Variants in RGS8 observed in about 807,000 individuals in gnomAD.
RGS8 encodes the protein regulator of G-protein signaling 8.
RGS8 carries 8 observed loss-of-function variants against 21.7 expected under a neutral mutation model. That is an observed-to-expected ratio of 0.37 (90% CI 0.22 to 0.66). The LOEUF (loss-of-function observed/expected upper bound fraction) is 0.66. Among genes scored for constraint, RGS8 ranks in the 30% least tolerant of loss-of-function variants. The probability of loss-of-function intolerance (pLI) is 0.59; values close to 1 mark genes in which losing one functional copy is unlikely to be tolerated. For synonymous variants in RGS8, 80 were observed against 83.6 expected (o/e 0.96, Z 0.24); for missense variants, 157 against 217.9 (o/e 0.72, Z 1.76).
At chr1:182,671,573 A>T (rs1664157749) in intron 2 of RGS8, 84 bp downstream of exon 3, 1 of 1,182,152 alleles carries the variant, frequency 8.5e-7, no homozygotes. Flanking sequence ...ATGCATGAAG[A>T]GGCAAGTTAA....
At chr1:182,692,026 G>A in the RGS8 span, among the ~76,000 whole-genome samples, 1 of 143,972 alleles carries the variant, frequency 6.9e-6, no homozygotes, top group East Asian at 2.0e-4. Flanking sequence ...TTTTTTTTGA[G>A]ATAGAGTCTT....
chr1:182,706,429 C>G, the RGS8 span, among the ~76,000 whole-genome samples: 1 of 152,176 alleles, frequency 6.6e-6, no homozygotes, highest in African/African-American at 2.4e-5. Flanking sequence ...AGACCTAATG[C>G]TCCCAGAATG....
chr1:182,644,582 C>T (rs764193598), downstream of RGS8: 18 of 152,184 alleles, frequency 1.2e-4, no homozygotes, highest in East Asian at 2.1e-3. Flanking sequence ...GGCCATCGCA[C>T]GACACTCTTG....
chr1:182,692,489 GA>G, the RGS8 span, among the ~76,000 whole-genome samples: 641 of 151,808 alleles, frequency 4.2e-3, 10 homozygotes, highest in African/African-American at 0.014. Context: ...CAAACAAATG[GA>G]AAAACATTCC....
the RGS8 span, among the ~76,000 whole-genome samples, chr1:182,747,043 C>CTTTTTTTTTTTTTTTTTTTTTTTTTTT: frequency 1.5e-3 from 31 of 21,050 alleles, 12 homozygotes; most frequent in East Asian, 4.4e-3. Context: ...CACTGCTGGT[C>CTTTTTTTTTTTTTTTTTTTTTTTTTTT]TTTTTTTTTT....
At chr1:182,706,570 G>C in the RGS8 span, among the ~76,000 whole-genome samples, 1 of 151,966 alleles carries the variant, frequency 6.6e-6, no homozygotes, top group African/African-American at 2.4e-5. Context: ...GGGTTCAAGC[G>C]ATTCTCGTGC....
At chr1:182,746,128 C>T in the RGS8 span, among the ~76,000 whole-genome samples, 1 of 152,150 alleles carries the variant, frequency 6.6e-6, no homozygotes, top group Non-Finnish European at 1.5e-5. Context: ...AAAAAGCCCC[C>T]AGGCCATCTT....
the RGS8 span, among the ~76,000 whole-genome samples, chr1:182,712,158 A>T: frequency 5.3e-5 from 8 of 152,238 alleles, no homozygotes; most frequent in Admixed American, 5.2e-4. Context: ...TAAAGCCTCA[A>T]ACACACTCAT....
At chr1:182,718,874 G>A in the RGS8 span, among the ~76,000 whole-genome samples, 1 of 152,178 alleles carries the variant, frequency 6.6e-6, no homozygotes, top group Non-Finnish European at 1.5e-5. Context: ...AAATTGACAA[G>A]TTAGACAAAC....
At chr1:182,724,190 A>C in the RGS8 span, among the ~76,000 whole-genome samples, 1 of 127,208 alleles carries the variant, frequency 7.9e-6, no homozygotes. Flanking sequence ...AAACCTGAAA[A>C]GGCTAGACTG....
chr1:182,668,656 T>C (rs1663992013), intron 3 of RGS8, among the ~76,000 whole-genome samples: 1 of 152,218 alleles, frequency 6.6e-6, no homozygotes, highest in Non-Finnish European at 1.5e-5. Context: ...AAATTGGGCC[T>C]GCACGTCCCC....
the RGS8 span, among the ~76,000 whole-genome samples, chr1:182,689,834 T>A: frequency 6.6e-6 from 1 of 152,248 alleles, no homozygotes; most frequent in Non-Finnish European, 1.5e-5. Context: ...TGTGAGCACA[T>A]GCACATACAC....
chr1:182,713,507 C>T, the RGS8 span, among the ~76,000 whole-genome samples: 1 of 152,102 alleles, frequency 6.6e-6, no homozygotes, highest in African/African-American at 2.4e-5. Flanking sequence ...TGCAGTTGTC[C>T]CATAGATTGC....
intron 5 of RGS8, among the ~76,000 whole-genome samples, chr1:182,665,680 C>T (rs950721445): frequency 1.3e-5 from 2 of 152,200 alleles, no homozygotes; most frequent in Non-Finnish European, 2.9e-5. Context: ...GCCCAACATT[C>T]CAAACCCCTA....
chr1:182,668,920 T>C (rs1161546367), intron 3 of RGS8, among the ~76,000 whole-genome samples: 1 of 152,146 alleles, frequency 6.6e-6, no homozygotes, highest in Non-Finnish European at 1.5e-5. Flanking sequence ...CAACTTTCAG[T>C]GAGTTGGTTC....
intron 5 of RGS8, among the ~76,000 whole-genome samples, chr1:182,653,726 C>G (rs777143405): frequency 2.0e-5 from 3 of 152,082 alleles, no homozygotes; most frequent in Non-Finnish European, 4.4e-5. Context: ...AAGAGATAGA[C>G]TTGGGTATGT....
chr1:182,666,875 A>T (rs1557894579), exon 4 of RGS8: 4 of 1,613,134 alleles, frequency 2.5e-6, no homozygotes, highest in Non-Finnish European at 1.7e-6. Flanking sequence ...TACTCACTTG[A>T]GAGCGCGGTT....
chr1:182,677,446 A>G (rs1664401766), upstream of RGS8, among the ~76,000 whole-genome samples: 1 of 152,208 alleles, frequency 6.6e-6, no homozygotes, highest in African/African-American at 2.4e-5. Flanking sequence ...CTCATTTTAC[A>G]TAGAGGATTA....
the RGS8 span, among the ~76,000 whole-genome samples, chr1:182,742,366 A>T: frequency 1.6e-3 from 237 of 151,932 alleles, 2 homozygotes; most frequent in East Asian, 0.04. Flanking sequence ...CAATCTCGGC[A>T]CTTTGGGAGG....
Sources: gnomAD v4.1 joint callset for allele counts (sites outside exome capture counted in the v4.1 genomes callset) on GRCh38, gnomAD v4.1.1 for gene constraint, MANE v1.5 for transcripts, NCBI Gene and HGNC (gene_info 2026-07-23, HGNC 2026-07-21) for gene names.